The following ZDHHC14 variants were observed in gnomAD, a reference collection of about 807,000 sequenced individuals.
ZDHHC14 encodes palmitoyltransferase ZDHHC14.
ZDHHC14 carries 16 observed loss-of-function variants against 47.7 expected under a neutral mutation model. That is an observed-to-expected ratio of 0.34 (90% CI 0.23 to 0.51). ZDHHC14 has a LOEUF of 0.51. ZDHHC14 is among the 20% of genes least tolerant of loss of function. ZDHHC14 has a pLI of 0.97. For synonymous variants in ZDHHC14, 293 were observed against 278.9 expected (o/e 1.05, Z -0.50); for missense variants, 515 against 662.5 (o/e 0.78, Z 2.44).
At chr6:157,642,035 TA>T (rs1777276828) in intron 5 of ZDHHC14, among the ~76,000 whole-genome samples, 1 of 146,928 alleles carries the variant, frequency 6.8e-6, no homozygotes, top group African/African-American at 2.6e-5. Context: ...GATAGATAGA[TA>T]GATAGATAGA....
rs778417524 is a variant in ZDHHC14 at position 157,672,817 on chromosome 6, G to A, written c.1162G>A (p.Glu388Lys). Residue 388 changes from glutamate (E) to lysine (K), a missense_variant, in exon 9 of 9, where the codon GAG becomes AAG. Glu to Lys is a moderately conservative substitution (Grantham distance 56, BLOSUM62 1). Around this residue, in one of 4 missense-constraint regions of ZDHHC14, gnomAD observed 221 missense variants for 233.6 expected, o/e 0.95. Transcript: ENST00000359775. ...GAGCGAGCCCAGCCTCACCAGCGACGAGCTGCACCTGCCCGGGAAGCCTGG... is the reference window on the plus strand; with the variant it reads ...GAGCGAGCCCAGCCTCACCAGCGACAAGCTGCACCTGCCCGGGAAGCCTGG... ...LQSEPSLTSD[E>K]LHLPGKPGLG... 3.7e-6 allele frequency: 6 copies of A among 1,612,252 alleles called. No individual in the cohort carries two copies. The highest frequency in any genetic ancestry group is 2.2e-5 in the South Asian group (2 of 91,010).
intron 1 of ZDHHC14, among the ~76,000 whole-genome samples, chr6:157,417,843 A>G (rs935960985): frequency 6.6e-6 from 1 of 151,566 alleles, no homozygotes; most frequent in Non-Finnish European, 1.5e-5. Flanking sequence ...AGTCCCAGGT[A>G]TTCAGGAGGC....
At chr6:157,535,038 T>A (rs1215774803) in intron 1 of ZDHHC14, among the ~76,000 whole-genome samples, 1 of 152,192 alleles carries the variant, frequency 6.6e-6, no homozygotes, top group Non-Finnish European at 1.5e-5. Flanking sequence ...AGCTACAGAT[T>A]CCCAGGTCCT....
At chr6:157,451,328 T>G (rs996310344) in intron 1 of ZDHHC14, among the ~76,000 whole-genome samples, 1 of 152,238 alleles carries the variant, frequency 6.6e-6, no homozygotes, top group African/African-American at 2.4e-5. Context: ...TATTGTTGTC[T>G]GGGATAGAGA....
chr6:157,514,334 G>A (rs960036182), intron 1 of ZDHHC14, among the ~76,000 whole-genome samples: 4 of 152,172 alleles, frequency 2.6e-5, no homozygotes, highest in Admixed American at 6.5e-5. Flanking sequence ...CAGGAACATT[G>A]AATTTTCTTT....
intron 1 of ZDHHC14, 62 bp downstream of exon 1, chr6:157,382,328 C>T (rs1319636264): frequency 6.4e-6 from 10 of 1,565,170 alleles, no homozygotes; most frequent in Middle Eastern, 1.7e-4. Context: ...TCCCCCGCCC[C>T]TCCTCGGGCT....
intron 1 of ZDHHC14, among the ~76,000 whole-genome samples, chr6:157,455,442 C>G (rs1429121362): frequency 6.6e-6 from 1 of 152,240 alleles, no homozygotes; most frequent in Non-Finnish European, 1.5e-5. Context: ...TCCTCATTGT[C>G]CTTCCTACCC....
chr6:157,611,324 T>C (rs1179397977), intron 3 of ZDHHC14, among the ~76,000 whole-genome samples: 1 of 152,210 alleles, frequency 6.6e-6, no homozygotes, highest in African/African-American at 2.4e-5. Flanking sequence ...TAAAAAGTGC[T>C]TTGATAGAGG....
intron 1 of ZDHHC14, among the ~76,000 whole-genome samples, chr6:157,484,725 T>G (rs1264990476): frequency 2.6e-5 from 4 of 151,830 alleles, no homozygotes; most frequent in African/African-American, 7.3e-5. Context: ...AATGGTAAGT[T>G]TTTCTTAAAA....
chr6:157,397,494 C>T (rs865810521), intron 1 of ZDHHC14, among the ~76,000 whole-genome samples: 2 of 152,144 alleles, frequency 1.3e-5, no homozygotes, highest in South Asian at 4.1e-4. Context: ...TCAAAGCCAG[C>T]GAGGCTCCGT....
At chr6:157,657,032 C>T (rs9458064) in intron 8 of ZDHHC14, among the ~76,000 whole-genome samples, 52,336 of 151,434 alleles carry the variant, frequency 0.35, 9,227 homozygotes, top group Non-Finnish European at 0.39. Flanking sequence ...TCTTGCCATC[C>T]GTACACACAA....
chr6:157,561,700 C>T (rs1782714894), intron 2 of ZDHHC14, among the ~76,000 whole-genome samples: 1 of 152,154 alleles, frequency 6.6e-6, no homozygotes, highest in African/African-American at 2.4e-5. Context: ...TCACTGTTGT[C>T]ACCCAGCCTG....
chr6:157,444,112 C>T (rs1778613908), intron 1 of ZDHHC14, among the ~76,000 whole-genome samples: 2 of 152,162 alleles, frequency 1.3e-5, no homozygotes, highest in South Asian at 4.1e-4. Flanking sequence ...CAAAGTCAAA[C>T]AGTAATCGTG....
chr6:157,406,458 G>A (rs141506682), intron 1 of ZDHHC14, among the ~76,000 whole-genome samples: 9 of 152,298 alleles, frequency 5.9e-5, no homozygotes, highest in African/African-American at 1.2e-4. Context: ...CTCAGAGAGC[G>A]CTGGATGGAA....
At chr6:157,597,872 T>A (rs1008462200) in intron 3 of ZDHHC14, among the ~76,000 whole-genome samples, 1 of 152,242 alleles carries the variant, frequency 6.6e-6, no homozygotes, top group Non-Finnish European at 1.5e-5. Context: ...ACAAAGAACC[T>A]CCAGGCGCCC....
chr6:157,570,780 T>TAC (rs199785514), intron 2 of ZDHHC14, among the ~76,000 whole-genome samples: 5,424 of 150,236 alleles, frequency 0.036, 362 homozygotes, highest in African/African-American at 0.13. Context: ...CATATATATA[T>TAC]ACACACACAC....
intron 2 of ZDHHC14, among the ~76,000 whole-genome samples, chr6:157,578,234 T>C (rs553347030): frequency 6.6e-5 from 10 of 152,364 alleles, no homozygotes; most frequent in African/African-American, 2.4e-4. Flanking sequence ...TTGTTGCAAT[T>C]GCTATTGGTG....
chr6:157,556,709 C>T (rs1052734427), intron 2 of ZDHHC14, among the ~76,000 whole-genome samples: 7 of 136,706 alleles, frequency 5.1e-5, no homozygotes, highest in African/African-American at 2.1e-4. Flanking sequence ...AGCTCAGAGC[C>T]GAGGCCCCGG....
intron 1 of ZDHHC14, among the ~76,000 whole-genome samples, chr6:157,512,497 C>T (rs1303390977): frequency 6.6e-6 from 1 of 152,186 alleles, no homozygotes; most frequent in Non-Finnish European, 1.5e-5. Context: ...GCGTGAGCCA[C>T]ACACACATGC....
Sources: allele counts gnomAD v4.1 joint callset (sites outside exome capture counted in the v4.1 genomes callset), GRCh38; gene constraint gnomAD v4.1.1; regional missense constraint gnomAD v4.1.1; transcripts MANE v1.5; gene names NCBI Gene and HGNC (gene_info 2026-07-23, HGNC 2026-07-21).